Variants in OPA1 observed in about 807,000 individuals in gnomAD.
OPA1 encodes dynamin-like GTPase OPA1, mitochondrial.
Under a neutral mutation model 152.9 loss-of-function variants are expected in OPA1, and 59 were observed. The observed-to-expected ratio is 0.39, with a 90% confidence interval of 0.31 to 0.48. OPA1 has a LOEUF of 0.48. Ranked by LOEUF, OPA1 falls within the 20% of genes least tolerant of loss-of-function variation. The pLI is 0.96. For synonymous variants in OPA1, 400 were observed against 389.9 expected (o/e 1.03, Z -0.31); for missense variants, 1,008 against 1,216.8 (o/e 0.83, Z 2.55).
At position 193,622,420 on chromosome 3, in the gene OPA1, G is replaced by C. The variant is rs1730298862; in HGVS notation, c.678+3484G>C. ...ATTTTTGTATTTTTAGTAGAGACAG[G>C]GTTTCACCAGGTTGGCCAGGATGGT... is the stretch of plus-strand genomic sequence containing the variant. On this transcript the variant is annotated intron_variant, in intron 6 of 30. Transcript: ENST00000361510. Among the ~76,000 whole-genome samples the C allele has an allele frequency of 6.6e-5, 10 of 151,664 alleles. 1 individual carries two copies. Among genetic ancestry groups the C allele is most frequent in the Admixed American group, 6.6e-4 (10 of 15,244 alleles).
intron 25 of OPA1, among the ~76,000 whole-genome samples, chr3:193,660,326 TAAATG>T (rs2109203779): frequency 6.6e-6 from 1 of 152,280 alleles, no homozygotes; most frequent in Non-Finnish European, 1.5e-5. Context: ...GTTCATTCCT[TAAATG>T]AAAGAATCTA....
Position 193,645,540 on chromosome 3 carries a change from C to CT in OPA1, c.1609-9dup, listed in dbSNP as rs1160468651. The CT allele has an allele frequency of 6.2e-7, 1 of 1,604,932 alleles. No homozygotes were observed. The highest frequency in any genetic ancestry group is 1.7e-5 in the Admixed American group (1 of 59,768). ...CTATATCTCACATTAATTTTTCCCA[C>CT]TTTTAAAAATAGATTCAGCAGATAA... On this transcript the variant is annotated splice_polypyrimidine_tract_variant and intron_variant, in intron 16 of 30. Coordinates refer to ENST00000361510, the MANE Select transcript of OPA1 (RefSeq NM_130837.3).
intron 18 of OPA1, chr3:193,646,377 C>T (rs1318745027): frequency 6.5e-6 from 1 of 154,210 alleles, no homozygotes; most frequent in Non-Finnish European, 1.4e-5. Context: ...ACATATAGAA[C>T]TGTGCTGTCT....
At position 193,684,528 on chromosome 3, in the gene OPA1, A is replaced by G. The variant is rs567170512; in HGVS notation, c.2984-7535A>G. Among the ~76,000 whole-genome samples the G allele has an allele frequency of 3.6e-3, 518 of 145,644 alleles. 2 individuals carry two copies. Among genetic ancestry groups the G allele is most frequent in the Non-Finnish European group, 5.1e-3 (344 of 67,132 alleles). On this transcript the variant is annotated intron_variant, in intron 29 of 30. Transcript: ENST00000361510. ...TGCAGTGGCATGATCTTGGCTCACT[A>G]CAACCTCCGCCTCCTGGATTCAAGT...
At chr3:193,635,635 CCT>C (rs1732815393) in intron 9 of OPA1, 113 bp downstream of exon 9, 7 of 720,768 alleles carry the variant, frequency 9.7e-6, no homozygotes, top group Non-Finnish European at 1.8e-5. Flanking sequence ...TTCTTTCTAA[CCT>C]AATGTGCTTG....
At chr3:193,653,051 T>G (rs1165182405) in intron 21 of OPA1, among the ~76,000 whole-genome samples, 1 of 152,192 alleles carries the variant, frequency 6.6e-6, no homozygotes, top group Non-Finnish European at 1.5e-5. Flanking sequence ...AGTTCAACTT[T>G]CAGTAATCTT....
chr3:193,672,038 A>AT (rs1335408706), intron 29 of OPA1, among the ~76,000 whole-genome samples: 8 of 152,182 alleles, frequency 5.3e-5, no homozygotes, highest in Non-Finnish European at 2.9e-5. Flanking sequence ...GTTTCAAAGG[A>AT]TTTTTTAAAT....
chr3:193,624,517 G>A (rs1252859044), intron 6 of OPA1, among the ~76,000 whole-genome samples: 1 of 152,076 alleles, frequency 6.6e-6, no homozygotes, highest in Non-Finnish European at 1.5e-5. Flanking sequence ...TCTTCTTTCT[G>A]CTTGATAAAG....
chr3:193,625,992 C>A, intron 6 of OPA1, 100 bp from the exon 7 acceptor site: 1 of 885,140 alleles, frequency 1.1e-6, no homozygotes, highest in Non-Finnish European at 1.9e-6. Flanking sequence ...TTTAAGTTAA[C>A]CATCCCTCCC....
intron 1 of OPA1, among the ~76,000 whole-genome samples, chr3:193,606,864 C>G (rs1455298857): frequency 1.3e-5 from 2 of 152,174 alleles, no homozygotes; most frequent in African/African-American, 2.4e-5. Flanking sequence ...AATGGTTGAA[C>G]TAGTTTACAG....
chr3:193,625,753 T>C (rs529014257), intron 6 of OPA1, among the ~76,000 whole-genome samples: 27 of 151,816 alleles, frequency 1.8e-4, no homozygotes, highest in Non-Finnish European at 3.8e-4. Flanking sequence ...TTAGAAAATT[T>C]AGACCAGTAA....
intron 29 of OPA1, among the ~76,000 whole-genome samples, chr3:193,671,601 G>A (rs11720294): frequency 0.49 from 74,527 of 151,838 alleles, 18,718 homozygotes; most frequent in African/African-American, 0.56. Flanking sequence ...ATTTTTATTA[G>A]GTTGGGATTA....
chr3:193,684,446 CTTTTT>C (rs67027119), intron 29 of OPA1, among the ~76,000 whole-genome samples: 1 of 105,904 alleles, frequency 9.4e-6, no homozygotes, highest in South Asian at 3.1e-4. Context: ...ATGGTACTAC[CTTTTT>C]TTTTTTTTTT....
In OPA1 at chr3:193,647,050, ATT is replaced by A. The variant is rs748933560; in HGVS notation, c.1755-7_1755-6del. On this transcript the variant is annotated splice_polypyrimidine_tract_variant and intron_variant, in intron 18 of 30. Coordinates refer to ENST00000361510, the MANE Select transcript of OPA1 (RefSeq NM_130837.3). Reference sequence around the variant, plus strand: ...ATTTTAATATACTTTAGCTCTTGTTATTTTTTTTTAATAGGACAAGCATGCTA... The same window carrying A: ...ATTTTAATATACTTTAGCTCTTGTTATTTTTTTAATAGGACAAGCATGCTA... The A allele has an allele frequency of 6.6e-7, 1 of 1,516,668 alleles. No homozygotes were observed. Among genetic ancestry groups the A allele is most frequent in the South Asian group, 1.1e-5 (1 of 87,946 alleles). The allele number at this position is 1,516,668 out of a possible 1,614,324, so 94.0% of individuals were successfully genotyped here.
At position 193,642,043 on chromosome 3, in the gene OPA1, G is replaced by A. The variant is rs190369927; in HGVS notation, c.1150-722G>A. On this transcript the variant is annotated intron_variant, in intron 11 of 30. Coordinates refer to ENST00000361510, the MANE Select transcript of OPA1 (RefSeq NM_130837.3). ...AGGCAGGAGAATCACCTGAAACCGCGAAGTGGAGGTTGCAGTGAGCCGAGA... is the reference window on the plus strand; with the variant it reads ...AGGCAGGAGAATCACCTGAAACCGCAAAGTGGAGGTTGCAGTGAGCCGAGA... 7.9e-4 allele frequency among the ~76,000 whole-genome samples: 120 copies of A among 152,306 alleles called. 1 individual carries two copies. The highest frequency in any genetic ancestry group is 2.4e-3 in the African/African-American group (100 of 41,562).
At chr3:193,680,196 T>G (rs1057347827) in intron 29 of OPA1, among the ~76,000 whole-genome samples, 2 of 139,510 alleles carry the variant, frequency 1.4e-5, no homozygotes, top group Middle Eastern at 3.3e-3. Context: ...TAAATCAGAA[T>G]TACATTCTCT....
intron 6 of OPA1, among the ~76,000 whole-genome samples, chr3:193,625,865 C>G (rs923505806): frequency 4.0e-5 from 6 of 151,332 alleles, no homozygotes; most frequent in Non-Finnish European, 8.8e-5. Context: ...CTTTCCTTTT[C>G]ACTTTTTAAA....
chr3:193,648,777 T>A lies in OPA1; in HGVS notation c.1936-18T>A, dbSNP rs757475013. The A allele has an allele frequency of 6.7e-6, 10 of 1,484,996 alleles. No individual in the cohort carries two copies. Among genetic ancestry groups the A allele is most frequent in the Non-Finnish European group, 7.5e-6 (8 of 1,063,250 alleles). The allele number at this position is 1,484,996 out of a possible 1,614,324, so 92.0% of individuals were successfully genotyped here. On this transcript the variant is annotated intron_variant, in intron 20 of 30. Transcript: ENST00000361510. ...CTGTCTTATGGAAATCTTACTTACT[T>A]GTATTTATATTGCCTAGAATGAACT...
chr3:193,604,801 G>A (rs1047631271), intron 1 of OPA1, among the ~76,000 whole-genome samples: 1 of 149,054 alleles, frequency 6.7e-6, no homozygotes, highest in Non-Finnish European at 1.5e-5. Context: ...CAGAGGTTGT[G>A]GTGAGCCAGT....
Sources: gnomAD v4.1 joint callset for allele counts (sites outside exome capture counted in the v4.1 genomes callset) on GRCh38, gnomAD v4.1.1 for gene constraint, MANE v1.5 for transcripts, NCBI Gene and HGNC (gene_info 2026-07-23, HGNC 2026-07-21) for gene names.